Variants in FILIP1 observed in about 807,000 individuals in gnomAD.
FILIP1 encodes filamin-A-interacting protein 1.
A neutral mutation model predicts 102.1 loss-of-function variants in FILIP1; 61 were observed. The ratio of observed to expected loss-of-function variants is 0.60; its 90% CI spans 0.49 to 0.74. The LOEUF (loss-of-function observed/expected upper bound fraction) is 0.74. Among genes scored for constraint, FILIP1 ranks in the 30% least tolerant of loss-of-function variants. FILIP1 has a pLI of 0.00. For synonymous variants in FILIP1, 491 were observed against 526.9 expected (o/e 0.93, Z 0.93); for missense variants, 1,314 against 1,441.2 (o/e 0.91, Z 1.43).
intron 5 of FILIP1, among the ~76,000 whole-genome samples, chr6:75,311,478 A>AGTTT (rs575376242): frequency 1.0e-3 from 156 of 149,848 alleles, no homozygotes; most frequent in South Asian, 6.7e-3. Flanking sequence ...CCTTCCAGCT[A>AGTTT]GTTTGTTTGT....
At chr6:75,336,930 T>G (rs1774261860) in intron 4 of FILIP1, among the ~76,000 whole-genome samples, 1 of 152,182 alleles carries the variant, frequency 6.6e-6, no homozygotes, top group Admixed American at 6.5e-5. Context: ...TAACCCTTCT[T>G]AGAGTCACAG....
intron 2 of FILIP1, among the ~76,000 whole-genome samples, chr6:75,388,972 G>A (rs1776192237): frequency 6.6e-6 from 1 of 152,178 alleles, no homozygotes; most frequent in East Asian, 1.9e-4. Flanking sequence ...AATGCTTCCA[G>A]CTTTTGCCCA....
intron 1 of FILIP1, among the ~76,000 whole-genome samples, chr6:75,435,377 C>G (rs1777984415): frequency 6.6e-6 from 1 of 152,180 alleles, no homozygotes; most frequent in African/African-American, 2.4e-5. Flanking sequence ...TTGGAGATTT[C>G]TTTGCCTCTT....
chr6:75,412,321 G>C (rs929236147), intron 2 of FILIP1, among the ~76,000 whole-genome samples: 11 of 152,246 alleles, frequency 7.2e-5, no homozygotes, highest in Non-Finnish European at 1.6e-4. Flanking sequence ...TTTGGGCTGA[G>C]GCGATGGGGT....
intron 3 of FILIP1, among the ~76,000 whole-genome samples, chr6:75,361,123 G>A (rs1387990954): frequency 1.3e-5 from 2 of 152,196 alleles, no homozygotes; most frequent in Admixed American, 6.5e-5. Flanking sequence ...AGATTGTTAA[G>A]AGGAGAAAGG....
At chr6:75,319,674 CA>C in intron 4 of FILIP1, 1 of 342,526 alleles carries the variant, frequency 2.9e-6, no homozygotes, top group Non-Finnish European at 5.6e-6. Flanking sequence ...ACTAAAAATA[CA>C]AAAAATTAGC....
At chr6:75,441,334 GA>G (rs1778212737) in intron 1 of FILIP1, among the ~76,000 whole-genome samples, 1 of 152,176 alleles carries the variant, frequency 6.6e-6, no homozygotes, top group African/African-American at 2.4e-5. Flanking sequence ...CAAGGCAAAA[GA>G]ATTTTTCTTA....
At chr6:75,322,150 C>T (rs1338047071) in intron 4 of FILIP1, among the ~76,000 whole-genome samples, 2 of 152,136 alleles carry the variant, frequency 1.3e-5, no homozygotes, top group East Asian at 1.9e-4. Flanking sequence ...AACAAGCATT[C>T]GGCATTCAGA....
At chr6:75,317,708 C>T (rs796726736) in intron 4 of FILIP1, among the ~76,000 whole-genome samples, 8 of 152,282 alleles carry the variant, frequency 5.3e-5, no homozygotes, top group African/African-American at 1.9e-4. Context: ...GTTTTTCTAA[C>T]CCCATTAGCT....
Position 75,426,971 on chromosome 6 carries a change from A to C in FILIP1, c.-6-11993T>G, listed in dbSNP as rs1481339718. Among the ~76,000 whole-genome samples the C allele has an allele frequency of 3.9e-5, 6 of 152,118 alleles. No homozygotes were observed. In the South Asian group the frequency reaches 1.2e-3, roughly 32 times the overall value. ...GCAGGGAAACCAGTCTAAACTAGATACTGGATGTGTTTCCCCCATTACTTC... is the reference window on the plus strand; with the variant it reads ...GCAGGGAAACCAGTCTAAACTAGATCCTGGATGTGTTTCCCCCATTACTTC... On this transcript the variant is annotated intron_variant, in intron 1 of 5. Transcript: ENST00000237172.
chr6:75,480,428 A>G (rs1582568581), intron 1 of FILIP1, among the ~76,000 whole-genome samples: 1 of 151,596 alleles, frequency 6.6e-6, no homozygotes. Flanking sequence ...TTTTTAAGAG[A>G]CAGAGTTGCA....
Position 75,337,934 on chromosome 6 carries a change from G to A in FILIP1, c.629+15605C>T, listed in dbSNP as rs1007509165. Among the ~76,000 whole-genome samples the A allele has an allele frequency of 3.3e-5, 5 of 152,260 alleles. No homozygotes were observed. The East Asian group carries it at 9.7e-4, about 29-fold the overall frequency. ...ATACAGGTTTTTTACAGAAGTTGTT[G>A]TGTGTTATTTAGTCACATTGTACTA... On this transcript the variant is annotated intron_variant, in intron 4 of 5. Transcript: ENST00000237172.
At chr6:75,319,274 G>T in intron 4 of FILIP1, 1 of 675,270 alleles carries the variant, frequency 1.5e-6, no homozygotes, top group Non-Finnish European at 2.8e-6. Context: ...TTTCACACCT[G>T]TCCCAGTTTC....
intron 2 of FILIP1, among the ~76,000 whole-genome samples, chr6:75,387,207 T>C (rs1435556644): frequency 6.6e-6 from 1 of 152,184 alleles, no homozygotes; most frequent in East Asian, 1.9e-4. Flanking sequence ...CCCATTCTTT[T>C]TTATGGCTGC....
At chr6:75,346,568 A>C (rs1398496443) in intron 4 of FILIP1, among the ~76,000 whole-genome samples, 1 of 152,170 alleles carries the variant, frequency 6.6e-6, no homozygotes, top group East Asian at 1.9e-4. Context: ...CACAGCACTG[A>C]TAGTAGGTAT....
chr6:75,451,582 G>A (rs1039806611), intron 1 of FILIP1, among the ~76,000 whole-genome samples: 14 of 151,486 alleles, frequency 9.2e-5, no homozygotes, highest in African/African-American at 3.1e-4. Flanking sequence ...TGTTATCCCA[G>A]CATTTTGGGA....
intron 1 of FILIP1, among the ~76,000 whole-genome samples, chr6:75,486,476 T>C (rs1779792093): frequency 6.6e-6 from 1 of 152,168 alleles, no homozygotes; most frequent in Non-Finnish European, 1.5e-5. Context: ...ACTTTGTGAA[T>C]CTTTTAATAC....
chr6:75,444,138 G>T (rs2951924), intron 1 of FILIP1, among the ~76,000 whole-genome samples: 106,353 of 152,102 alleles, frequency 0.7, 38,011 homozygotes, highest in African/African-American at 0.86. Flanking sequence ...CTCTTTCAAA[G>T]GCAGCATTGA....
At chr6:75,336,106 G>A (rs995707236) in intron 4 of FILIP1, among the ~76,000 whole-genome samples, 2 of 152,020 alleles carry the variant, frequency 1.3e-5, no homozygotes, top group African/African-American at 4.8e-5. Context: ...TTGTTTTTTA[G>A]CTATTTTTTA....
Sources: gnomAD v4.1 joint callset for allele counts (sites outside exome capture counted in the v4.1 genomes callset) on GRCh38, gnomAD v4.1.1 for gene constraint, MANE v1.5 for transcripts, NCBI Gene and HGNC (gene_info 2026-07-23, HGNC 2026-07-21) for gene names.